The following CCDC93 variants were observed in gnomAD, a reference collection of about 807,000 sequenced individuals.
The protein encoded by CCDC93 is coiled-coil domain-containing protein 93.
A neutral mutation model predicts 108.2 loss-of-function variants in CCDC93; 61 were observed. The observed-to-expected ratio is 0.56, with a 90% CI of 0.46 to 0.70. CCDC93 has a LOEUF of 0.70. Ranked by LOEUF, CCDC93 falls within the 30% of genes least tolerant of loss-of-function variation. The pLI, the probability that CCDC93 is intolerant of heterozygous loss-of-function variation, is 0.00. For synonymous variants in CCDC93, 276 were observed against 260.4 expected, an observed-to-expected ratio of 1.06 and a Z score of -0.58; for missense variants, 685 against 764.2, an observed-to-expected ratio of 0.90 and a Z score of 1.22.
intron 22 of CCDC93, among the ~76,000 whole-genome samples, chr2:117,935,265 C>A (rs1188454180): frequency 6.6e-6 from 1 of 152,162 alleles, no homozygotes; most frequent in African/African-American, 2.4e-5. Context: ...TGTTCAATAC[C>A]TGGGAGCTAC....
At chr2:117,941,112 C>A in intron 19 of CCDC93, 77 bp downstream of exon 19, 1 of 1,005,608 alleles carries the variant, frequency 9.9e-7, no homozygotes, top group East Asian at 2.4e-5. Flanking sequence ...GTGCATGCTC[C>A]CCCATGCTAA....
At chr2:117,975,718 T>C (rs1679923228) in intron 8 of CCDC93, among the ~76,000 whole-genome samples, 1 of 152,316 alleles carries the variant, frequency 6.6e-6, no homozygotes, top group South Asian at 2.1e-4. Context: ...CCAGAGTGCT[T>C]TGTAGTGAGG....
intron 7 of CCDC93, among the ~76,000 whole-genome samples, chr2:117,979,717 T>G (rs1038213487): frequency 3.3e-5 from 5 of 152,172 alleles, no homozygotes; most frequent in African/African-American, 1.2e-4. Flanking sequence ...AGGTCCAAAG[T>G]GTAGCAGACC....
At chr2:117,944,601 C>A in intron 17 of CCDC93, 1 of 395,356 alleles carries the variant, frequency 2.5e-6, no homozygotes. Flanking sequence ...AGCAATGAGA[C>A]ATGGCTGGAT....
intron 1 of CCDC93, 134 bp from the exon 2 acceptor site, chr2:118,008,792 A>G: frequency 1.6e-6 from 1 of 623,918 alleles, no homozygotes; most frequent in Non-Finnish European, 2.9e-6. Context: ...AGATTCTCTG[A>G]AAATTCAGCA....
intron 11 of CCDC93, among the ~76,000 whole-genome samples, chr2:117,963,391 C>T (rs1310849647): frequency 6.6e-6 from 1 of 152,188 alleles, no homozygotes; most frequent in African/African-American, 2.4e-5. Context: ...AAGATGCTGA[C>T]ACCTTTCACC....
chr2:117,988,621 T>A (rs1439747087), intron 6 of CCDC93, among the ~76,000 whole-genome samples: 2 of 152,172 alleles, frequency 1.3e-5, no homozygotes, highest in African/African-American at 4.8e-5. Context: ...GCCTTTCACC[T>A]AAAGGGACCC....
At chr2:117,984,726 G>A (rs918102142) in intron 7 of CCDC93, among the ~76,000 whole-genome samples, 1 of 152,064 alleles carries the variant, frequency 6.6e-6, no homozygotes, top group Non-Finnish European at 1.5e-5. Flanking sequence ...TCTGGGACAC[G>A]TGACACCCAC....
intron 3 of CCDC93, among the ~76,000 whole-genome samples, chr2:118,004,421 A>T (rs1406236214): frequency 6.6e-6 from 1 of 152,228 alleles, no homozygotes; most frequent in Admixed American, 6.5e-5. Context: ...ACAAGGCCTC[A>T]ATTGGGCACA....
chr2:117,998,379 CAT>C (rs1680734257), intron 4 of CCDC93: 1 of 152,084 alleles, frequency 6.6e-6, no homozygotes, highest in African/African-American at 2.4e-5. Flanking sequence ...TGAGTTTCAT[CAT>C]AGTTAAATGT....
chr2:117,958,595 C>A, intron 11 of CCDC93, 114 bp from the exon 12 acceptor site: 1 of 701,840 alleles, frequency 1.4e-6, no homozygotes, highest in Non-Finnish European at 2.6e-6. Flanking sequence ...TCACACCAAG[C>A]CAGGGCATTT....
At chr2:117,925,838 C>T (rs1678068821) in intron 23 of CCDC93, among the ~76,000 whole-genome samples, 1 of 152,196 alleles carries the variant, frequency 6.6e-6, no homozygotes, top group African/African-American at 2.4e-5. Context: ...CCACACCACA[C>T]CTATTCCAAA....
intron 21 of CCDC93, 60 bp from the exon 22 acceptor site, chr2:117,935,639 G>T: frequency 8.1e-7 from 1 of 1,228,798 alleles, no homozygotes; most frequent in Non-Finnish European, 1.2e-6. Context: ...AGGGGGAAAT[G>T]CCAAGCAGTC....
intron 4 of CCDC93, among the ~76,000 whole-genome samples, chr2:117,998,553 A>T (rs190459054): frequency 6.6e-6 from 1 of 152,210 alleles, no homozygotes; most frequent in Non-Finnish European, 1.5e-5. Context: ...AAAATTTTAC[A>T]GGTCCATGAA....
intron 7 of CCDC93, among the ~76,000 whole-genome samples, chr2:117,982,298 C>T (rs138669429): frequency 3.9e-5 from 6 of 152,150 alleles, no homozygotes; most frequent in African/African-American, 9.6e-5. Context: ...TTTCATAGCA[C>T]GGTTAGGTGC....
intron 8 of CCDC93, among the ~76,000 whole-genome samples, chr2:117,976,938 T>C (rs1178550815): frequency 6.7e-6 from 1 of 149,572 alleles, no homozygotes; most frequent in Non-Finnish European, 1.5e-5. Flanking sequence ...ACCAATCTTT[T>C]TTTTTTTTTT....
At position 117,995,146 on chromosome 2, in the gene CCDC93, C is replaced by A. The variant is rs1001614991; in HGVS notation, c.519+300G>T. Among the ~76,000 whole-genome samples, 8 of 152,198 alleles carry A rather than the reference C, an allele frequency of 5.3e-5. No individual in the cohort carries two copies. In the East Asian group the frequency reaches 1.3e-3, roughly 26 times the overall value. On this transcript the variant is annotated intron_variant, in intron 6 of 23. Coordinates refer to ENST00000376300, the MANE Select transcript of CCDC93 (RefSeq NM_019044.5). The stretch of plus-strand genomic sequence containing the variant: ...CCCATTCATCATCTGCTCTTCAGAG[C>A]TATTCAAAGTTTATACCTGCCATTG...
At chr2:117,983,677 T>TATATATATATAG (rs1680219440) in intron 7 of CCDC93, among the ~76,000 whole-genome samples, 4 of 105,948 alleles carry the variant, frequency 3.8e-5, no homozygotes, top group African/African-American at 1.1e-4. Flanking sequence ...TATATATATA[T>TATATATATATAG]AGTCATATAA....
Position 117,920,249 on chromosome 2 carries a change from T to A in CCDC93, c.*94A>T, listed in dbSNP as rs1374958917. 2 of 781,512 alleles carry A rather than the reference T, an allele frequency of 2.6e-6. No homozygotes were observed. The highest frequency in any genetic ancestry group is 5.1e-5 in the East Asian group (2 of 39,326). The allele number at this position is 781,512 out of a possible 1,614,324, so 48.4% of individuals were successfully genotyped here. On this transcript the variant is annotated 3_prime_UTR_variant, in exon 24 of 24. Coordinates refer to ENST00000376300, the MANE Select transcript of CCDC93 (RefSeq NM_019044.5). ...GTTGAAATCATCACAACTGCATCTC[T>A]CTACTGTCGCTTTCAGAACCATTTC... is the stretch of plus-strand genomic sequence containing the variant.
Sources: allele counts gnomAD v4.1 joint callset (sites outside exome capture counted in the v4.1 genomes callset), GRCh38; gene constraint gnomAD v4.1.1; transcripts MANE v1.5; gene names NCBI Gene and HGNC (gene_info 2026-07-23, HGNC 2026-07-21).